The following GRID2 variants were observed in gnomAD, a reference collection of about 807,000 sequenced individuals.
GRID2 encodes glutamate ionotropic receptor delta type subunit 2.
Under a neutral mutation model 114.8 loss-of-function variants are expected in GRID2, and 33 were observed. The ratio of observed to expected loss-of-function variants is 0.29; its 90% CI spans 0.22 to 0.38. The LOEUF (loss-of-function observed/expected upper bound fraction) is 0.38. Among genes scored for constraint, GRID2 ranks in the 10% least tolerant of loss-of-function variants. GRID2 has a pLI of 1.00. For synonymous variants in GRID2, 505 were observed against 449.9 expected (o/e 1.12, Z -1.55); for missense variants, 1,184 against 1,257.7 (o/e 0.94, Z 0.89).
intron 2 of GRID2, among the ~76,000 whole-genome samples, chr4:93,043,548 G>A (rs1725808401): frequency 6.6e-6 from 1 of 152,168 alleles, no homozygotes; most frequent in Admixed American, 6.6e-5. Flanking sequence ...GTGGAAGGGA[G>A]TTTATTTCCG....
intron 14 of GRID2, among the ~76,000 whole-genome samples, chr4:93,652,559 G>T (rs559181952): frequency 6.6e-6 from 1 of 152,014 alleles, no homozygotes; most frequent in South Asian, 2.1e-4. Context: ...ATATCATATA[G>T]CCTAGGTGTG....
At chr4:93,265,143 C>A (rs1014336070) in intron 8 of GRID2, among the ~76,000 whole-genome samples, 2 of 151,914 alleles carry the variant, frequency 1.3e-5, no homozygotes, top group African/African-American at 4.8e-5. Context: ...TTTCAGGATT[C>A]TATTTTGGTT....
chr4:93,385,307 T>C (rs1329610411), intron 8 of GRID2, among the ~76,000 whole-genome samples: 1 of 152,214 alleles, frequency 6.6e-6, no homozygotes, highest in Non-Finnish European at 1.5e-5. Context: ...CCCTCTCTTG[T>C]TCATCATAGG....
chr4:92,521,541 G>A (rs1579510394), intron 1 of GRID2, among the ~76,000 whole-genome samples: 1 of 151,922 alleles, frequency 6.6e-6, no homozygotes, highest in Non-Finnish European at 1.5e-5. Flanking sequence ...CTGTTGCATA[G>A]AATTCCTTTA....
chr4:92,943,399 A>G (rs960551819), intron 2 of GRID2, among the ~76,000 whole-genome samples: 1 of 152,126 alleles, frequency 6.6e-6, no homozygotes, highest in Non-Finnish European at 1.5e-5. Flanking sequence ...CATTCATCAC[A>G]TAGTTCTCAT....
At chr4:92,405,959 A>G (rs1731008608) in intron 1 of GRID2, among the ~76,000 whole-genome samples, 1 of 152,172 alleles carries the variant, frequency 6.6e-6, no homozygotes, top group Non-Finnish European at 1.5e-5. Context: ...AAGGAGAGCC[A>G]GTCTGAGTCC....
intron 13 of GRID2, among the ~76,000 whole-genome samples, chr4:93,523,373 ACTCT>A (rs1027914137): frequency 1.3e-5 from 2 of 151,984 alleles, no homozygotes; most frequent in African/African-American, 4.8e-5. Flanking sequence ...ATTCCCACTC[ACTCT>A]CAAGAGTATT....
At chr4:93,770,092 C>T (rs1578778190) in intron 15 of GRID2, among the ~76,000 whole-genome samples, 2 of 152,176 alleles carry the variant, frequency 1.3e-5, no homozygotes, top group East Asian at 1.9e-4. Context: ...TACAGAATTA[C>T]ACATATCTCT....
At chr4:93,680,442 T>A (rs1168988390) in intron 14 of GRID2, among the ~76,000 whole-genome samples, 1 of 151,666 alleles carries the variant, frequency 6.6e-6, no homozygotes, top group East Asian at 1.9e-4. Context: ...GCCAGCATCA[T>A]CCTGATACCA....
Position 93,704,074 on chromosome 4 carries a change from G to A in GRID2, c.2361-65136G>A, listed in dbSNP as rs2110147629. 2.0e-5 allele frequency among the ~76,000 whole-genome samples: 3 copies of A among 152,274 alleles called. No individual in the cohort carries two copies. In the East Asian group the frequency reaches 5.8e-4, roughly 29 times the overall value. On this transcript the variant is annotated intron_variant, in intron 14 of 15. Coordinates refer to ENST00000282020, the MANE Select transcript of GRID2 (RefSeq NM_001510.4). The stretch of plus-strand genomic sequence containing the variant: ...TAGATCCCTGAGGAATCGCCACACT[G>A]ACTTCCACAATGGTTGAACTAGTTG...
At chr4:92,689,100 G>C (rs1734059561) in intron 2 of GRID2, among the ~76,000 whole-genome samples, 1 of 152,082 alleles carries the variant, frequency 6.6e-6, no homozygotes. Flanking sequence ...TCAACAGTGG[G>C]CCTAAAATAT....
chr4:92,650,385 A>C (rs1731867307), intron 2 of GRID2, among the ~76,000 whole-genome samples: 1 of 151,996 alleles, frequency 6.6e-6, no homozygotes, highest in African/African-American at 2.4e-5. Flanking sequence ...AGTCCTGCTT[A>C]GTTTGGGTTG....
intron 2 of GRID2, among the ~76,000 whole-genome samples, chr4:92,985,536 C>T (rs1319588936): frequency 1.3e-5 from 2 of 152,056 alleles, no homozygotes; most frequent in African/African-American, 4.8e-5. Flanking sequence ...CGCGTCCGGC[C>T]GGTAAAAATA....
chr4:92,643,023 A>C (rs1731436253), intron 2 of GRID2, among the ~76,000 whole-genome samples: 1 of 151,614 alleles, frequency 6.6e-6, no homozygotes, highest in African/African-American at 2.4e-5. Context: ...TTTGACGTTA[A>C]GTAATGTGAT....
intron 13 of GRID2, among the ~76,000 whole-genome samples, chr4:93,559,070 T>A (rs1734620172): frequency 6.6e-6 from 1 of 152,140 alleles, no homozygotes. Flanking sequence ...AAACTAGGTA[T>A]TGATGGAATG....
In GRID2 at chr4:92,638,852, A is replaced by G. The variant is rs115519593; in HGVS notation, c.244+48566A>G. Among the ~76,000 whole-genome samples, 1,235 of 151,260 alleles carry G rather than the reference A, an allele frequency of 8.2e-3. 20 individuals carry two copies. The highest frequency in any genetic ancestry group is 0.029 in the African/African-American group (1,188 of 41,496). On this transcript the variant is annotated intron_variant, in intron 2 of 15. Coordinates refer to ENST00000282020, the MANE Select transcript of GRID2 (RefSeq NM_001510.4). ...GAAATATCTAATATCCAAATTCTCA[A>G]TATTTCATATGATAGTTTTTGTTCT...
At chr4:92,665,939 G>T (rs1300528875) in intron 2 of GRID2, among the ~76,000 whole-genome samples, 1 of 151,344 alleles carries the variant, frequency 6.6e-6, no homozygotes, top group Admixed American at 6.6e-5. Context: ...TAAAGTTCTT[G>T]AATGTTTATA....
intron 14 of GRID2, among the ~76,000 whole-genome samples, chr4:93,751,178 G>T (rs1288438072): frequency 6.6e-6 from 1 of 152,124 alleles, no homozygotes; most frequent in East Asian, 1.9e-4. Flanking sequence ...ATTAACTATT[G>T]TGAATTCTTC....
At chr4:93,193,792 G>C (rs150045418) in intron 4 of GRID2, among the ~76,000 whole-genome samples, 1 of 152,224 alleles carries the variant, frequency 6.6e-6, no homozygotes, top group Non-Finnish European at 1.5e-5. Flanking sequence ...TTTAAAACGG[G>C]TATATGCTTC....
Sources: allele counts gnomAD v4.1 joint callset (sites outside exome capture counted in the v4.1 genomes callset), GRCh38; gene constraint gnomAD v4.1.1; transcripts MANE v1.5; gene names NCBI Gene and HGNC (gene_info 2026-07-23, HGNC 2026-07-21).